The following ARHGAP12 variants were observed in gnomAD, a reference collection of about 807,000 sequenced individuals.
The protein encoded by ARHGAP12 is Rho GTPase activating protein 12, also known as rho GTPase-activating protein 12.
A neutral mutation model predicts 108.6 loss-of-function variants in ARHGAP12; 64 were observed. The observed-to-expected ratio is 0.59, with a 90% CI of 0.48 to 0.73. The LOEUF (loss-of-function observed/expected upper bound fraction) is 0.73. Ranked by LOEUF, ARHGAP12 falls within the 30% of genes least tolerant of loss-of-function variation. The probability of loss-of-function intolerance (pLI) is 0.00; values close to 1 mark genes in which losing one functional copy is unlikely to be tolerated. For synonymous variants in ARHGAP12, 312 were observed against 337.2 expected (o/e 0.93, Z 0.82); for missense variants, 940 against 1,005.9 (o/e 0.93, Z 0.89).
intron 12 of ARHGAP12, 98 bp downstream of exon 12, chr10:31,820,289 T>C: frequency 2.3e-6 from 2 of 887,790 alleles, no homozygotes; most frequent in Non-Finnish European, 3.2e-6. Flanking sequence ...TTGCCTTAAC[T>C]AGTCACAATG....
intron 4 of ARHGAP12, 67 bp from the exon 5 acceptor site, chr10:31,854,273 A>G: frequency 7.2e-7 from 1 of 1,379,402 alleles, no homozygotes; most frequent in Non-Finnish European, 9.7e-7. Context: ...TTGAAAATCT[A>G]ATAAATAAAT....
At chr10:31,839,740 A>C in intron 7 of ARHGAP12, 29 bp from the exon 8 acceptor site, 3 of 1,534,120 alleles carry the variant, frequency 2.0e-6, no homozygotes, top group Non-Finnish European at 2.7e-6. Context: ...GAAAAAAGTT[A>C]CTCTATTTTA....
rs543356406 is a variant in ARHGAP12 at position 31,883,062 on chromosome 10, G to A, written c.685-21404C>T. 6.6e-5 allele frequency among the ~76,000 whole-genome samples: 10 copies of A among 152,224 alleles called. No homozygotes were observed. The East Asian group carries it at 1.7e-3, about 27-fold the overall frequency. On this transcript the variant is annotated intron_variant, in intron 3 of 19. Transcript: ENST00000344936. ...TGTAATCCCAGCACTTTGGGAGGCCGAGGCAGGTGGATTATCTGAGGTCGG... is the reference window on the plus strand; with the variant it reads ...TGTAATCCCAGCACTTTGGGAGGCCAAGGCAGGTGGATTATCTGAGGTCGG...
intron 1 of ARHGAP12, among the ~76,000 whole-genome samples, chr10:31,927,777 CTTT>C (rs1251640654): frequency 1.3e-5 from 2 of 152,214 alleles, no homozygotes; most frequent in Non-Finnish European, 2.9e-5. Flanking sequence ...AAGGGCGTGC[CTTT>C]TTCTCTAACG....
chr10:31,815,743 C>T (rs1274422249), intron 13 of ARHGAP12, among the ~76,000 whole-genome samples: 1 of 152,202 alleles, frequency 6.6e-6, no homozygotes, highest in Non-Finnish European at 1.5e-5. Flanking sequence ...TATTCAGTGT[C>T]TCTCAATAAA....
At chr10:31,863,459 G>A (rs537561911) in intron 3 of ARHGAP12, among the ~76,000 whole-genome samples, 4 of 152,248 alleles carry the variant, frequency 2.6e-5, no homozygotes, top group Non-Finnish European at 4.4e-5. Context: ...TCTAAATGAT[G>A]TTTATGAACA....
At chr10:31,838,723 C>T (rs1203504991) in intron 9 of ARHGAP12, among the ~76,000 whole-genome samples, 1 of 150,684 alleles carries the variant, frequency 6.6e-6, no homozygotes, top group Non-Finnish European at 1.5e-5. Flanking sequence ...CCCAGCTACT[C>T]GGCAGGCTGA....
At position 31,810,665 on chromosome 10, in the gene ARHGAP12, T is replaced by A; in HGVS notation, c.2034A>T (p.Glu678Asp). Residue 678 changes from glutamate (E) to aspartate (D), a missense_variant, in exon 16 of 20, where the codon GAA becomes GAT. Glu to Asp is a conservative substitution (Grantham distance 45, BLOSUM62 2). Coordinates refer to ENST00000344936, the MANE Select transcript of ARHGAP12 (RefSeq NM_018287.7). Reference sequence around the variant, plus strand: ...TTCTCTTACCATGTTCTTCAACATGTTCAATACATAACTTCACAAACTTTG... The same window carrying A: ...TTCTCTTACCATGTTCTTCAACATGATCAATACATAACTTCACAAACTTTG... ...TVPKFVKLCI[E>D]HVEEHGLDID... 1 of 1,597,222 alleles carries A rather than the reference T, an allele frequency of 6.3e-7. No individual in the cohort carries two copies. Among genetic ancestry groups the A allele is most frequent in the Non-Finnish European group, 8.5e-7 (1 of 1,173,544 alleles).
At chr10:31,859,736 T>C (rs1837040235) in intron 4 of ARHGAP12, among the ~76,000 whole-genome samples, 2 of 152,326 alleles carry the variant, frequency 1.3e-5, no homozygotes, top group Non-Finnish European at 2.9e-5. Context: ...TTTTACTTTA[T>C]TATTGATACA....
rs551586388 is a variant in ARHGAP12, at chr10:31,918,552, A to T, written c.-110-7989T>A. On this transcript the variant is annotated intron_variant, in intron 1 of 19. Coordinates refer to ENST00000344936, the MANE Select transcript of ARHGAP12 (RefSeq NM_018287.7). The stretch of plus-strand genomic sequence containing the variant: ...GCCCCGTCTCTACAAACAAAAATTT[A>T]AAAAATAGCCAAGGATTGGTGGCAC... Among the ~76,000 whole-genome samples, 8 of 152,276 alleles carry T rather than the reference A, an allele frequency of 5.3e-5. No individual in the cohort carries two copies. In the East Asian group the frequency reaches 9.7e-4, roughly 18 times the overall value.
intron 10 of ARHGAP12, among the ~76,000 whole-genome samples, chr10:31,831,138 C>A (rs1835817428): frequency 6.6e-6 from 1 of 152,066 alleles, no homozygotes; most frequent in Admixed American, 6.5e-5. Context: ...TACCAATAGA[C>A]AAGTGTAGTT....
intron 6 of ARHGAP12, among the ~76,000 whole-genome samples, chr10:31,844,535 T>C (rs1230800538): frequency 6.6e-6 from 1 of 152,120 alleles, no homozygotes; most frequent in East Asian, 1.9e-4. Flanking sequence ...CACAAACCAA[T>C]GCTTGTTTGT....
rs148152510 is a variant in ARHGAP12 at position 31,882,665 on chromosome 10, T to C, written c.685-21007A>G. ...CTGTCCCTACTAAAAATACAAAAAC[T>C]ACGTGGGCGTGGTGGCACGTGCCTG... On this transcript the variant is annotated intron_variant, in intron 3 of 19. Coordinates refer to ENST00000344936, the MANE Select transcript of ARHGAP12 (RefSeq NM_018287.7). Among the ~76,000 whole-genome samples, 736 of 151,546 alleles carry C rather than the reference T, an allele frequency of 4.9e-3. 6 individuals are homozygous for C. The highest frequency in any genetic ancestry group is 7.8e-3 in the Admixed American group (118 of 15,192).
rs1837107120 is a variant in ARHGAP12 at position 31,861,396 on chromosome 10, T to G, written c.947A>C (p.Glu316Ala). Reference sequence around the variant, plus strand: ...AGTTGATTCCTTAATTACTCATACCTCTTGATCCCCTGGATTTTGGAAATC... The same window carrying G: ...AGTTGATTCCTTAATTACTCATACCGCTTGATCCCCTGGATTTTGGAAATC... ...KGDFQNPGDQELLSSEENYYS... is the reference protein window; with the variant it reads ...KGDFQNPGDQALLSSEENYYS... The change falls in exon 4 of 20, where the codon GAG (glutamate) becomes GCG (alanine). Residue 316 changes from glutamate to alanine, a missense_variant and splice_region_variant. By Grantham distance (107) the Glu-to-Ala change is moderately radical. Transcript: ENST00000344936. 2 of 1,610,386 alleles carry G rather than the reference T, an allele frequency of 1.2e-6. No homozygotes were observed. Among genetic ancestry groups the G allele is most frequent in the African/African-American group, 2.7e-5 (2 of 74,656 alleles).
chr10:31,837,498 C>CTA (rs1434366219), intron 9 of ARHGAP12, among the ~76,000 whole-genome samples: 1 of 152,202 alleles, frequency 6.6e-6, no homozygotes, highest in African/African-American at 2.4e-5. Flanking sequence ...CAATTAGTGA[C>CTA]TTGAGAGTTC....
chr10:31,840,225 T>C (rs995593469), intron 7 of ARHGAP12, among the ~76,000 whole-genome samples: 13 of 151,776 alleles, frequency 8.6e-5, no homozygotes, highest in Non-Finnish European at 1.9e-4. Context: ...TAGAAAACTT[T>C]CCAAAAATTA....
At chr10:31,928,523 CGCACCTCCGCG>C (rs1214224029) in intron 1 of ARHGAP12, among the ~76,000 whole-genome samples, 149 bp downstream of exon 1, 6 of 150,674 alleles carry the variant, frequency 4.0e-5, no homozygotes, top group Non-Finnish European at 8.9e-5. Flanking sequence ...TCCCTTTGCG[CGCACCTCCGCG>C]GCGCCGCCGC....
chr10:31,828,371 T>C (rs937104374), intron 10 of ARHGAP12, among the ~76,000 whole-genome samples: 3 of 152,170 alleles, frequency 2.0e-5, no homozygotes, highest in Non-Finnish European at 4.4e-5. Flanking sequence ...ATATTATAGA[T>C]GGTGCTTTTT....
intron 3 of ARHGAP12, among the ~76,000 whole-genome samples, chr10:31,897,943 A>G (rs1564420501): frequency 6.6e-6 from 1 of 152,024 alleles, no homozygotes; most frequent in Non-Finnish European, 1.5e-5. Flanking sequence ...GTGGGCAACA[A>G]GGTAAAATCC....
Sources: allele counts gnomAD v4.1 joint callset (sites outside exome capture counted in the v4.1 genomes callset), GRCh38; gene constraint gnomAD v4.1.1; transcripts MANE v1.5; gene names NCBI Gene and HGNC (gene_info 2026-07-23, HGNC 2026-07-21).